The following WDCP variants were observed in gnomAD, a reference collection of about 807,000 sequenced individuals.
The protein encoded by WDCP is WD repeat and coiled coil containing.
A neutral mutation model predicts 41.6 loss-of-function variants in WDCP; 19 were observed. That is an observed-to-expected ratio of 0.46 (90% CI 0.32 to 0.67). The LOEUF is 0.67. Among genes scored for constraint, WDCP ranks in the 30% least tolerant of loss-of-function variants. The pLI is 0.04. For synonymous variants in WDCP, 302 were observed against 320.8 expected (o/e 0.94, Z 0.63); for missense variants, 802 against 850.7 (o/e 0.94, Z 0.71).
In WDCP at chr2:24,039,208, T is replaced by A; in HGVS notation, c.287A>T (p.Glu96Val). The A allele has an allele frequency of 2.5e-6, 4 of 1,614,230 alleles. No individual in the cohort carries two copies. The South Asian group carries it at 4.4e-5, about 18-fold the overall frequency. Residue 96 changes from glutamate to valine, a missense_variant, in exon 2 of 4, where the codon GAG (glutamate) becomes GTG (valine). Glu to Val is a moderately radical substitution (Grantham distance 121, BLOSUM62 -2). This residue lies in a region of WDCP where 214 missense variants were observed against 252.9 expected (regional missense o/e 0.85). Coordinates refer to ENST00000295148, the MANE Select transcript of WDCP (RefSeq NM_025203.3). ...CTGAGACGTCAGCCATTTGCTTGAC[T>A]CCATAGGGCTGGGACACAGCTGCCA... ...TVWQLCPSPM[E>V]SSKWLTSQTC...
rs556007324 is a variant in WDCP at position 24,043,085 on chromosome 2, G to A, written c.-18-3573C>T. On this transcript the variant is annotated intron_variant, in intron 1 of 3. Transcript: ENST00000295148. ...CAGGTGGCTCATGCCTTTAATCCGA[G>A]CACTTTGGCAGGCCAAGGCGGGTGG... Among the ~76,000 whole-genome samples the A allele has an allele frequency of 2.0e-3, 299 of 150,826 alleles. 1 individual carries two copies. The highest frequency in any genetic ancestry group is 3.3e-3 in the Non-Finnish European group (227 of 67,784).
chr2:24,043,127 A>T (rs1573667845), intron 1 of WDCP, among the ~76,000 whole-genome samples: 2 of 152,046 alleles, frequency 1.3e-5, no homozygotes, highest in Admixed American at 6.6e-5. Flanking sequence ...TGAGGTCAGG[A>T]TTTCGAGATC....
chr2:24,039,741 A>C (rs1663366297), intron 1 of WDCP, among the ~76,000 whole-genome samples: 1 of 152,222 alleles, frequency 6.6e-6, no homozygotes, highest in Admixed American at 6.5e-5. Context: ...AGATTTTTAG[A>C]ACTGGGGAAA....
In WDCP at chr2:24,030,262, G is replaced by A. The variant is rs1663065865; in HGVS notation, c.*671C>T. ...GCACAACCTCAAGTGGAACCCAGAG[G>A]GGACAAATTCCCTTGAAATTTCATT... On this transcript the variant is annotated 3_prime_UTR_variant, in exon 4 of 4. Coordinates refer to ENST00000295148, the MANE Select transcript of WDCP (RefSeq NM_025203.3). 1 of 152,194 alleles carries A rather than the reference G, an allele frequency of 6.6e-6. No individual in the cohort carries two copies. 9.4% of individuals were successfully genotyped at this position (152,194 alleles called of 1,614,324 possible). A position where few individuals can be genotyped will look rare whatever the true frequency, so the allele number is the denominator to read the frequency against.
At chr2:24,043,244 G>A (rs1475865423) in intron 1 of WDCP, among the ~76,000 whole-genome samples, 1 of 152,170 alleles carries the variant, frequency 6.6e-6, no homozygotes, top group Non-Finnish European at 1.5e-5. Context: ...GCTGAGACAC[G>A]AGAATTGCTT....
chr2:24,035,686 AGG>A, intron 2 of WDCP, among the ~76,000 whole-genome samples: 2 of 152,056 alleles, frequency 1.3e-5, no homozygotes, highest in African/African-American at 2.4e-5. Context: ...AGGCTGAAGC[AGG>A]AGGACTGCTT....
Position 24,039,067 on chromosome 2 carries a change from T to C in WDCP, c.428A>G (p.His143Arg). Residue 143 changes from histidine to arginine, a missense_variant, in exon 2 of 4, where the codon CAC becomes CGC. Coordinates refer to ENST00000295148, the MANE Select transcript of WDCP (RefSeq NM_025203.3). ...TGCCTTTACCTGGGAATCATCAGAG[T>C]GAACATTAGGGAAAATGGAGACATC... ...AQDVSIFPNV[H>R]SDDSQVKADI... 6.2e-7 allele frequency: 1 copy of C among 1,613,846 alleles called. No individual in the cohort carries two copies.
Position 24,038,413 on chromosome 2 carries a change from C to T in WDCP, c.1082G>A (p.Cys361Tyr). Residue 361 changes from cysteine (C) to tyrosine (Y), a missense_variant, in exon 2 of 4, where the codon TGT (cysteine) becomes TAT (tyrosine). Cys to Tyr is a radical substitution (Grantham distance 194, BLOSUM62 -2). Coordinates refer to ENST00000295148, the MANE Select transcript of WDCP (RefSeq NM_025203.3). The stretch of plus-strand genomic sequence containing the variant: ...GACAGAGTAGATCAAAATTATATTA[C>T]AAGTGTTGGAAGCCACTGCCACTAC... ...AHVVAVASNT[C>Y]NIILIYSVIP... 6.2e-7 allele frequency: 1 copy of T among 1,614,130 alleles called. No individual in the cohort carries two copies.
At chr2:24,044,262 T>C (rs373408024) in intron 1 of WDCP, among the ~76,000 whole-genome samples, 1 of 150,794 alleles carries the variant, frequency 6.6e-6, no homozygotes, top group African/African-American at 2.4e-5. Flanking sequence ...ATAAGTTTAC[T>C]GAGGTTTTTT....
chr2:24,031,116 C>T lies in WDCP; in HGVS notation c.1983G>A (p.Pro661=), dbSNP rs769632619. The change falls in exon 4 of 4, where the codon CCG becomes CCA. Residue 661 remains proline (P), a synonymous_variant. Transcript: ENST00000295148. ...TTTCCTGTGTGGCTGTGAAGGTTAA[C>T]GGGATAAAGCCCTCACTGTCAGCAG... ...LLSADSEGFI[P]LTFTATQEII... is the part of the protein sequence containing the mutation. 9.9e-6 allele frequency: 16 copies of T among 1,614,002 alleles called. No homozygotes were observed. The highest frequency in any genetic ancestry group is 2.2e-5 in the East Asian group (1 of 44,902).
chr2:24,033,614 A>G (rs893757016), intron 2 of WDCP, among the ~76,000 whole-genome samples: 1 of 151,738 alleles, frequency 6.6e-6, no homozygotes, highest in African/African-American at 2.4e-5. Flanking sequence ...GGTGGTACAC[A>G]CTTGTAGTCC....
At chr2:24,045,543 G>A (rs896899022) in intron 1 of WDCP, among the ~76,000 whole-genome samples, 2 of 148,740 alleles carry the variant, frequency 1.3e-5, no homozygotes, top group African/African-American at 5.0e-5. Context: ...GGAGGTTGCA[G>A]TGAGCCGAGT....
chr2:24,030,935 A>C lies in WDCP; in HGVS notation c.2164T>G (p.Ter722GlyextTer21). 6.2e-7 allele frequency: 1 copy of C among 1,612,250 alleles called. No homozygotes were observed. The highest frequency in any genetic ancestry group is 8.5e-7 in the Non-Finnish European group (1 of 1,178,362). Residue 722 changes from the stop codon to glycine (G), a stop_lost, in exon 4 of 4, where the codon TGA (stop) becomes GGA (glycine). Transcript: ENST00000295148. ...GCCNHVDGMA[*>G] The stretch of plus-strand genomic sequence containing the variant: ...ACACAGCAAGGACACTGCAGATATC[A>C]AGCCATGCCATCTACATGGTTACAA...
At chr2:24,041,858 C>A (rs1335174802) in intron 1 of WDCP, among the ~76,000 whole-genome samples, 30 of 93,224 alleles carry the variant, frequency 3.2e-4, no homozygotes, top group East Asian at 6.8e-4. Flanking sequence ...AACTCTGTCT[C>A]AAAAAAAAAA....
intron 1 of WDCP, among the ~76,000 whole-genome samples, chr2:24,046,358 C>T (rs1388864706): frequency 6.6e-6 from 1 of 152,170 alleles, no homozygotes; most frequent in East Asian, 1.9e-4. Flanking sequence ...CCCAACGCTA[C>T]TGATTTTGCC....
intron 2 of WDCP, among the ~76,000 whole-genome samples, chr2:24,037,459 T>C (rs1443504630): frequency 2.0e-5 from 3 of 152,244 alleles, no homozygotes; most frequent in Non-Finnish European, 4.4e-5. Context: ...GTCATGCACC[T>C]GATAAAATCA....
At chr2:24,043,842 G>A (rs1017913848) in intron 1 of WDCP, among the ~76,000 whole-genome samples, 23 of 151,580 alleles carry the variant, frequency 1.5e-4, no homozygotes, top group Middle Eastern at 3.4e-3. Context: ...AAATTATTTC[G>A]CATATCTCCT....
rs1573652432 is a variant in WDCP, at chr2:24,030,982, G to A, written c.2117C>T (p.Pro706Leu). ...SLKVFTGLAAPSLDTTGCCNH... is the reference protein window; with the variant it reads ...SLKVFTGLAALSLDTTGCCNH... ...ACAACAGCCAGTGGTATCTAAACTGGGGGCAGCAAGGCCTGTAAAGACTTT... is the reference window on the plus strand; with the variant it reads ...ACAACAGCCAGTGGTATCTAAACTGAGGGCAGCAAGGCCTGTAAAGACTTT... Residue 706 changes from proline (P) to leucine (L), a missense_variant, in exon 4 of 4, where the codon CCC becomes CTC. By Grantham distance (98) the Pro-to-Leu change is moderately conservative. Coordinates refer to ENST00000295148, the MANE Select transcript of WDCP (RefSeq NM_025203.3). 2 of 1,614,174 alleles carry A rather than the reference G, an allele frequency of 1.2e-6. No homozygotes were observed. The highest frequency in any genetic ancestry group is 8.5e-7 in the Non-Finnish European group (1 of 1,180,038).
intron 1 of WDCP, among the ~76,000 whole-genome samples, chr2:24,045,619 A>AAGAG (rs1258646775): frequency 2.0e-4 from 18 of 87,868 alleles, no homozygotes; most frequent in African/African-American, 4.3e-4. Flanking sequence ...AAAAAAAAAA[A>AAGAG]AGAGAGAGAG....
Sources: allele counts gnomAD v4.1 joint callset (sites outside exome capture counted in the v4.1 genomes callset), GRCh38; gene constraint gnomAD v4.1.1; regional missense constraint gnomAD v4.1.1; transcripts MANE v1.5; gene names NCBI Gene and HGNC (gene_info 2026-07-23, HGNC 2026-07-21).